Variants in NBAS observed in about 807,000 individuals in gnomAD.
The protein encoded by NBAS is NAG/BC035112 fusion.
Under a neutral mutation model 302.5 loss-of-function variants are expected in NBAS, and 219 were observed. The observed-to-expected ratio is 0.72, with a 90% confidence interval of 0.65 to 0.81. The LOEUF is 0.81. NBAS is among the 30% of genes least tolerant of loss of function. The pLI is 0.00. For synonymous variants in NBAS, 1,118 were observed against 1,021.6 expected (o/e 1.09, Z -1.80); for missense variants, 2,932 against 2,841.6 (o/e 1.03, Z -0.72).
At position 15,467,155 on chromosome 2, in the gene NBAS, A is replaced by G. The variant is rs77500637; in HGVS notation, c.2097+174T>C. ...TCTAACAAAACAACTTCTGGCTTTC[A>G]CAATCTCTAATTTTTACCAAAACTA... On this transcript the variant is annotated intron_variant, in intron 19 of 51. Coordinates refer to ENST00000281513, the MANE Select transcript of NBAS (RefSeq NM_015909.4). 4.8e-3 allele frequency among the ~76,000 whole-genome samples: 731 copies of G among 152,310 alleles called. 19 individuals are homozygous for G. The East Asian group carries it at 0.071, about 15-fold the overall frequency.
intron 5 of NBAS, among the ~76,000 whole-genome samples, chr2:15,552,993 C>T (rs999493731): frequency 1.3e-5 from 2 of 152,000 alleles, no homozygotes; most frequent in Non-Finnish European, 1.5e-5. Context: ...TCAGTAGAGA[C>T]GGGGTTTCAC....
the NBAS span, among the ~76,000 whole-genome samples, chr2:14,940,111 AC>A: frequency 4.4e-3 from 675 of 152,266 alleles, 24 homozygotes; most frequent in Admixed American, 0.041. Context: ...GCCACACAGC[AC>A]CCCAGGAGCA....
chr2:15,389,175 G>A lies in NBAS; in HGVS notation c.3257+5052C>T, dbSNP rs2148398190. ...CTCAAACAATGATAGCCACGAGAGG[G>A]TAGATGAGTAGTTCTCCAACTCCCA... On this transcript the variant is annotated intron_variant, in intron 28 of 51. Transcript: ENST00000281513. Among the ~76,000 whole-genome samples the A allele has an allele frequency of 1.3e-5, 2 of 152,292 alleles. 1 individual carries two copies. Among genetic ancestry groups the A allele is most frequent in the South Asian group, 4.1e-4 (2 of 4,826 alleles).
At chr2:15,444,407 G>C (rs1319380222) in intron 21 of NBAS, among the ~76,000 whole-genome samples, 1 of 152,168 alleles carries the variant, frequency 6.6e-6, no homozygotes. Flanking sequence ...ATGGGGAAAG[G>C]ATTCCCTATT....
chr2:15,278,749 C>G (rs1470570153), intron 42 of NBAS, among the ~76,000 whole-genome samples: 1 of 152,116 alleles, frequency 6.6e-6, no homozygotes, highest in African/African-American at 2.4e-5. Flanking sequence ...ATAGTATCAC[C>G]TGACAAAGGG....
chr2:15,178,109 A>G (rs1191323252), intron 51 of NBAS: 6 of 470,312 alleles, frequency 1.3e-5, no homozygotes, highest in Non-Finnish European at 2.6e-5. Context: ...TAGCAAGCAT[A>G]TACCTCTGCT....
the NBAS span, among the ~76,000 whole-genome samples, chr2:14,804,775 GT>G: frequency 1.3e-5 from 2 of 152,182 alleles, no homozygotes; most frequent in Non-Finnish European, 2.9e-5. Context: ...TCAGATAGGT[GT>G]ATGTAATAAG....
chr2:15,334,439 C>T (rs575595834), intron 35 of NBAS, among the ~76,000 whole-genome samples: 3 of 152,228 alleles, frequency 2.0e-5, no homozygotes, highest in East Asian at 1.9e-4. Context: ...CCGCCCGCCT[C>T]GGCCTCCCAA....
the NBAS span, among the ~76,000 whole-genome samples, chr2:14,919,434 G>A: frequency 6.6e-6 from 1 of 152,148 alleles, no homozygotes; most frequent in Non-Finnish European, 1.5e-5. Flanking sequence ...TGATCAATTA[G>A]GGTGGTAGTT....
the NBAS span, among the ~76,000 whole-genome samples, chr2:14,827,046 TG>T: frequency 3.9e-5 from 6 of 152,222 alleles, no homozygotes; most frequent in African/African-American, 1.2e-4. Flanking sequence ...GAAAGGTTAA[TG>T]AGAAAAGACC....
the NBAS span, among the ~76,000 whole-genome samples, chr2:15,067,133 A>C: frequency 0.013 from 1,741 of 135,262 alleles, 32 homozygotes; most frequent in African/African-American, 0.047. Context: ...GACCAGCCTG[A>C]GCAACATAGT....
At chr2:14,964,588 G>T in the NBAS span, among the ~76,000 whole-genome samples, 1 of 152,128 alleles carries the variant, frequency 6.6e-6, no homozygotes, top group African/African-American at 2.4e-5. Context: ...CAAACCCACA[G>T]TTTTAGTTGG....
downstream of NBAS, among the ~76,000 whole-genome samples, chr2:15,162,018 C>T (rs1056854562): frequency 6.6e-6 from 1 of 152,204 alleles, no homozygotes; most frequent in African/African-American, 2.4e-5. Flanking sequence ...TCTTCAAGTT[C>T]CCTTACTCTC....
chr2:15,013,845 T>C, the NBAS span, among the ~76,000 whole-genome samples: 1 of 151,886 alleles, frequency 6.6e-6, no homozygotes, highest in Non-Finnish European at 1.5e-5. Flanking sequence ...TGAATAAAAA[T>C]TCAAAACCCA....
At chr2:15,373,716 G>C (rs1299787599) in intron 31 of NBAS, among the ~76,000 whole-genome samples, 1 of 152,078 alleles carries the variant, frequency 6.6e-6, no homozygotes, top group African/African-American at 2.4e-5. Flanking sequence ...GCCTCTACTG[G>C]CTCATATCTC....
chr2:14,893,098 C>A, the NBAS span, among the ~76,000 whole-genome samples: 2 of 152,074 alleles, frequency 1.3e-5, no homozygotes, highest in Non-Finnish European at 1.5e-5. Flanking sequence ...TAGTTGGATT[C>A]TTCAGCTTTT....
chr2:14,815,825 A>G, the NBAS span, among the ~76,000 whole-genome samples: 1 of 152,186 alleles, frequency 6.6e-6, no homozygotes, highest in East Asian at 1.9e-4. Flanking sequence ...TTCCTTCTGT[A>G]GTACCTGTAC....
the NBAS span, among the ~76,000 whole-genome samples, chr2:14,830,093 G>A: frequency 3.9e-4 from 59 of 152,244 alleles, no homozygotes; most frequent in African/African-American, 1.4e-3. Context: ...ATCCCATTCT[G>A]AGTGTGTCAG....
At chr2:15,419,289 G>C (rs2148467291) in intron 23 of NBAS, among the ~76,000 whole-genome samples, 1 of 152,196 alleles carries the variant, frequency 6.6e-6, no homozygotes, top group East Asian at 1.9e-4. Flanking sequence ...AGTCTAGAAT[G>C]ATTTCTCATC....
Sources: allele counts gnomAD v4.1 joint callset (sites outside exome capture counted in the v4.1 genomes callset), GRCh38; gene constraint gnomAD v4.1.1; transcripts MANE v1.5; gene names NCBI Gene and HGNC (gene_info 2026-07-23, HGNC 2026-07-21).